The following PLD3 variants were observed in gnomAD, a reference collection of about 807,000 sequenced individuals.
PLD3 encodes 5'-3' exonuclease PLD3.
PLD3 carries 31 observed loss-of-function variants against 58.4 expected under a neutral mutation model. That is an observed-to-expected ratio of 0.53 (90% CI 0.40 to 0.72). PLD3 has a LOEUF of 0.72. Among genes scored for constraint, PLD3 ranks in the 30% least tolerant of loss-of-function variants. The pLI, the probability that PLD3 is intolerant of heterozygous loss-of-function variation, is 0.00. For missense variants in PLD3, 595 were observed against 659.8 expected, an observed-to-expected ratio of 0.90 and a Z score of 1.08; for synonymous variants, 264 against 273.4, an observed-to-expected ratio of 0.97 and a Z score of 0.34.
intron 1 of PLD3, among the ~76,000 whole-genome samples, chr19:40,352,378 G>A (rs774817991): frequency 5.9e-5 from 9 of 152,284 alleles, no homozygotes; most frequent in Admixed American, 3.3e-4. Context: ...TGTCCCAGAC[G>A]GTGGGGGGCA....
chr19:40,366,549 ACAGT>A (rs1393178384), intron 3 of PLD3, 39 bp downstream of exon 3: 14 of 1,599,662 alleles, frequency 8.8e-6, no homozygotes, highest in Non-Finnish European at 1.1e-5. Flanking sequence ...GGAACTGGGT[ACAGT>A]GGGGGTGGGG....
chr19:40,366,523 G>T lies in PLD3; in HGVS notation c.27+13G>T, dbSNP rs924730263. On this transcript the variant is annotated intron_variant, in intron 3 of 12. Coordinates refer to ENST00000409735, the MANE Select transcript of PLD3 (RefSeq NM_012268.4). ...GATGTACCAGGAGGTAGGTGGATTG[G>T]GGGGCTCAGCAGGGTGGAACTGGGT... 1 of 1,612,548 alleles carries T rather than the reference G, an allele frequency of 6.2e-7. No individual in the cohort carries two copies. The highest frequency in any genetic ancestry group is 8.5e-7 in the Non-Finnish European group (1 of 1,179,048).
rs879469370 is a variant in PLD3, at chr19:40,364,636, CA to C, written c.-278-1072del. 6.3e-3 allele frequency among the ~76,000 whole-genome samples: 919 copies of C among 145,780 alleles called. 9 individuals are homozygous for C. Among genetic ancestry groups the C allele is most frequent in the Non-Finnish European group, 9.8e-3 (646 of 65,898 alleles). On this transcript the variant is annotated intron_variant, in intron 1 of 12. Transcript: ENST00000409735. ...GAAACCCCATCTCTACTAAAAAATA[CA>C]AAAAAAAAATTAGCCGGGCATGGTG...
Position 40,377,817 on chromosome 19 carries a change from A to C in PLD3, c.1217A>C (p.Gln406Pro), listed in dbSNP as rs1228271793. 1.2e-6 allele frequency: 2 copies of C among 1,613,866 alleles called. No individual in the cohort carries two copies. The highest frequency in any genetic ancestry group is 3.3e-5 in the Admixed American group (2 of 60,002). Reference sequence around the variant, plus strand: ...TTTGTGGTCCCCGCGGATGAGGCCCAGGCTCGAATCCCATATGCCCGTGTC... The same window carrying C: ...TTTGTGGTCCCCGCGGATGAGGCCCCGGCTCGAATCCCATATGCCCGTGTC... ...KLFVVPADEA[Q>P]ARIPYARVNH... The change falls in exon 12 of 13, where the codon CAG becomes CCG. Residue 406 changes from glutamine to proline, a missense_variant. Transcript: ENST00000409735.
intron 1 of PLD3, chr19:40,358,805 T>C (rs1345246083): frequency 5.3e-5 from 8 of 152,088 alleles, no homozygotes; most frequent in Admixed American, 5.2e-4. Flanking sequence ...AACCATGAGC[T>C]CTCCAATTTA....
chr19:40,378,462 A>G lies in PLD3; in HGVS notation c.*289A>G, dbSNP rs2079301727. 2 of 521,082 alleles carry G rather than the reference A, an allele frequency of 3.8e-6. No homozygotes were observed. The highest frequency in any genetic ancestry group is 4.1e-5 in the South Asian group (2 of 48,700). The allele number at this position is 521,082 out of a possible 1,614,324, so 32.3% of individuals were successfully genotyped here. A position where few individuals can be genotyped will look rare whatever the true frequency, so the allele number is the denominator to read the frequency against. On this transcript the variant is annotated 3_prime_UTR_variant, in exon 13 of 13. Coordinates refer to ENST00000409735, the MANE Select transcript of PLD3 (RefSeq NM_012268.4). ...AGGGCAAAAAGGGCCCAGGGTTATA[A>G]TAAGTAAATAACTTGTCTGTACAGC...
intron 10 of PLD3, chr19:40,376,308 T>C (rs1461760479): frequency 3.2e-6 from 1 of 312,702 alleles, no homozygotes; most frequent in East Asian, 6.1e-5. Flanking sequence ...TGAGCCGAGA[T>C]TGTGCCATTG....
intron 8 of PLD3, chr19:40,370,457 G>C (rs1462669428): frequency 2.3e-6 from 1 of 433,492 alleles, no homozygotes; most frequent in African/African-American, 2.1e-5. Context: ...AGGATTGCTT[G>C]AGCCCAGGAG....
intron 3 of PLD3, 24 bp downstream of exon 3, chr19:40,366,534 A>C: frequency 6.2e-7 from 1 of 1,609,396 alleles, no homozygotes; most frequent in Non-Finnish European, 8.5e-7. Context: ...GGGGCTCAGC[A>C]GGGTGGAACT....
Position 40,366,933 on chromosome 19 carries a change from C to T in PLD3, c.245+18C>T, listed in dbSNP as rs1409241157. 10 of 1,584,112 alleles carry T rather than the reference C, an allele frequency of 6.3e-6. No homozygotes were observed. The South Asian group carries it at 1.2e-4, about 18-fold the overall frequency. ...CCTTGCGAGTAAGTGGGGGGTGCTG[C>T]AGTTGGTGGGGGAGGGGCCTGCCAG... is the stretch of plus-strand genomic sequence containing the variant. On this transcript the variant is annotated intron_variant, in intron 5 of 12. Coordinates refer to ENST00000409735, the MANE Select transcript of PLD3 (RefSeq NM_012268.4).
rs991466658 is a variant in PLD3, at chr19:40,366,365, C to A, written c.-65-54C>A. On this transcript the variant is annotated intron_variant, in intron 2 of 12. Coordinates refer to ENST00000409735, the MANE Select transcript of PLD3 (RefSeq NM_012268.4). The stretch of plus-strand genomic sequence containing the variant: ...AAGACTAATCACTCTTCTGTGATGT[C>A]TGTCCCTGGAAAGCGTAGAACACCC... The A allele has an allele frequency of 6.0e-5, 51 of 856,810 alleles. No individual in the cohort carries two copies. In the Admixed American group the frequency reaches 8.7e-4, roughly 15 times the overall value. 53.1% of individuals were successfully genotyped at this position (856,810 alleles called of 1,614,324 possible).
At chr19:40,366,100 G>T (rs947460508) in intron 2 of PLD3, 170 bp downstream of exon 2, 5 of 318,566 alleles carry the variant, frequency 1.6e-5, no homozygotes, top group Middle Eastern at 1.0e-3. Flanking sequence ...CTGGGGCTCC[G>T]CTGACCTCAT....
At chr19:40,363,727 G>A (rs1261335226) in intron 1 of PLD3, among the ~76,000 whole-genome samples, 3 of 151,834 alleles carry the variant, frequency 2.0e-5, no homozygotes, top group Non-Finnish European at 4.4e-5. Flanking sequence ...CACCACACCC[G>A]ACCTGCTAGA....
chr19:40,375,818 G>A (rs935629234), intron 10 of PLD3, among the ~76,000 whole-genome samples: 2 of 152,106 alleles, frequency 1.3e-5, no homozygotes, highest in Non-Finnish European at 2.9e-5. Flanking sequence ...CAACACTTTG[G>A]GAGGCCGAGG....
chr19:40,363,331 C>T (rs889407261), intron 1 of PLD3, among the ~76,000 whole-genome samples: 7 of 146,572 alleles, frequency 4.8e-5, no homozygotes, highest in African/African-American at 1.8e-4. Flanking sequence ...GGTCAACCGC[C>T]TCTAAGACTG....
intron 1 of PLD3, among the ~76,000 whole-genome samples, chr19:40,364,897 G>A (rs1298773598): frequency 1.3e-5 from 2 of 151,866 alleles, no homozygotes; most frequent in Non-Finnish European, 2.9e-5. Context: ...CTGGGAAGTT[G>A]AGGCCGCAGT....
At chr19:40,374,361 G>A (rs1215911073) in intron 9 of PLD3, 120 bp from the exon 10 acceptor site, 14 of 1,040,606 alleles carry the variant, frequency 1.3e-5, no homozygotes, top group Admixed American at 8.4e-5. Flanking sequence ...TCTTCTTCAT[G>A]GAGGCTGAGG....
At chr19:40,375,678 AAAG>A (rs1274356687) in intron 10 of PLD3, among the ~76,000 whole-genome samples, 21 of 151,484 alleles carry the variant, frequency 1.4e-4, no homozygotes, top group South Asian at 6.2e-4. Flanking sequence ...AGAAAAAAAA[AAAG>A]AAGGATAACA....
chr19:40,361,197 T>C (rs2078773252), intron 1 of PLD3, among the ~76,000 whole-genome samples: 1 of 151,908 alleles, frequency 6.6e-6, no homozygotes, highest in African/African-American at 2.4e-5. Context: ...TATAACTTCC[T>C]CCTCCTGGGT....
Sources: gnomAD v4.1 joint callset for allele counts (sites outside exome capture counted in the v4.1 genomes callset) on GRCh38, gnomAD v4.1.1 for gene constraint, MANE v1.5 for transcripts, NCBI Gene and HGNC (gene_info 2026-07-23, HGNC 2026-07-21) for gene names.